Variants in PLEKHG1 observed in about 807,000 individuals in gnomAD.
PLEKHG1 encodes the protein pleckstrin homology and RhoGEF domain containing G1.
In PLEKHG1, 44 loss-of-function variants were observed where a neutral mutation model predicts 100.8. The observed-to-expected ratio is 0.44, with a 90% confidence interval of 0.34 to 0.56. PLEKHG1 has a LOEUF of 0.56. PLEKHG1 is among the 20% of genes least tolerant of loss of function. The pLI is 0.01. For missense variants in PLEKHG1, 1,545 were observed against 1,720.9 expected (o/e 0.90, Z 1.81); for synonymous variants, 640 against 662.5 (o/e 0.97, Z 0.52).
At chr6:150,780,941 TCA>T (rs1235501092) in intron 3 of PLEKHG1, among the ~76,000 whole-genome samples, 2 of 152,014 alleles carry the variant, frequency 1.3e-5, no homozygotes, top group East Asian at 3.9e-4. Context: ...TGGCACTATC[TCA>T]GCTCACTGCA....
At chr6:150,662,339 C>T (rs1201192355) in intron 3 of PLEKHG1, 1 of 152,146 alleles carries the variant, frequency 6.6e-6, no homozygotes, top group African/African-American at 2.4e-5. Flanking sequence ...CCATTGGAAC[C>T]CGGAACAGAT....
chr6:150,717,881 G>A (rs890774711), upstream of PLEKHG1, among the ~76,000 whole-genome samples: 7 of 152,094 alleles, frequency 4.6e-5, no homozygotes, highest in Non-Finnish European at 8.8e-5. Context: ...TTGGAGACCC[G>A]CCTCGACAAT....
At chr6:150,809,791 C>T in intron 10 of PLEKHG1, 57 bp downstream of exon 11, 1 of 1,331,898 alleles carries the variant, frequency 7.5e-7, no homozygotes. Flanking sequence ...ATCATTTGAA[C>T]CTGGGAGGTG....
chr6:150,721,580 G>C (rs1218933591), intron 1 of PLEKHG1, among the ~76,000 whole-genome samples: 1 of 152,152 alleles, frequency 6.6e-6, no homozygotes. Flanking sequence ...ATTTTCATAT[G>C]CTTTCTTTTT....
At chr6:150,687,760 C>A (rs1780190383) in intron 3 of PLEKHG1, among the ~76,000 whole-genome samples, 1 of 152,164 alleles carries the variant, frequency 6.6e-6, no homozygotes, top group African/African-American at 2.4e-5. Context: ...CATCTGACCC[C>A]ACGCCCTGAG....
chr6:150,831,830 G>T lies in PLEKHG1; in HGVS notation c.2719G>T (p.Ala907Ser). Residue 907 changes from alanine to serine, a missense_variant, in exon 15 of 16, where the codon GCT becomes TCT. Physicochemically the swap from Ala to Ser is moderately conservative, Grantham distance 99 (BLOSUM62 1). Transcript: ENST00000358517. The surrounding 1 kb of genome is among the most constrained non-coding windows in gnomAD (Gnocchi z 4.1). ...TCTCCTCACGCCCGTGAAGAGCAGG[G>T]CTGGCAGAGCCAGCCGCGCCAACTG... is the stretch of plus-strand genomic sequence containing the variant. 6.2e-7 allele frequency: 1 copy of T among 1,612,354 alleles called. No individual in the cohort carries two copies.
intron 6 of PLEKHG1, among the ~76,000 whole-genome samples, chr6:150,804,189 T>A (rs1157497745): frequency 2.7e-5 from 2 of 74,810 alleles, no homozygotes; most frequent in African/African-American, 6.6e-5. Flanking sequence ...TTTTTTTTTT[T>A]TTTTTTTTTT....
intron 3 of PLEKHG1, among the ~76,000 whole-genome samples, chr6:150,694,760 A>C (rs1780481830): frequency 6.6e-6 from 1 of 152,066 alleles, no homozygotes; most frequent in Admixed American, 6.6e-5. Context: ...GTACTCAAAA[A>C]ATGTTAGCTA....
rs2128548350 is a variant in PLEKHG1 at position 150,600,894 on chromosome 6, G to C, written c.-204+877G>C. On this transcript the variant is annotated intron_variant, in intron 1 of 3. Transcript: ENST00000367326. This position sits in a 1 kb window ranked among gnomAD's most constrained non-coding sequence, Gnocchi z 6.2. The stretch of plus-strand genomic sequence containing the variant: ...GGCGGAGCGGGGTTTGTAAGCCGGC[G>C]TTTCATCCAGCTCTGGTCCTCAAGG... 6.6e-6 allele frequency: 1 copy of C among 152,338 alleles called. No homozygotes were observed. The highest frequency in any genetic ancestry group is 2.4e-5 in the African/African-American group (1 of 41,572). The allele number at this position is 152,338 out of a possible 1,614,324, so 9.4% of individuals were successfully genotyped here.
chr6:150,652,669 G>A (rs1398032243), intron 3 of PLEKHG1, among the ~76,000 whole-genome samples: 5 of 150,030 alleles, frequency 3.3e-5, no homozygotes, highest in African/African-American at 4.9e-5. Context: ...GCAGTGAGCC[G>A]AGATCGCACC....
intron 7 of PLEKHG1, among the ~76,000 whole-genome samples, chr6:150,807,728 C>T (rs1488043733): frequency 2.6e-5 from 4 of 152,178 alleles, no homozygotes; most frequent in Non-Finnish European, 5.9e-5. Context: ...AATCCCAGCA[C>T]TTTGGGAGGC....
chr6:150,651,600 C>T (rs7771249), intron 3 of PLEKHG1, among the ~76,000 whole-genome samples: 97,355 of 151,942 alleles, frequency 0.64, 31,475 homozygotes, highest in East Asian at 0.85. Context: ...GGCTCACGCC[C>T]CTAATCCCAG....
rs1284856084 is a variant in PLEKHG1 at position 150,683,877 on chromosome 6, A to T, written c.-99+33091A>T. ...TATGGGAATATTGAAGGGGCCTGGG[A>T]TGGAGGTAAGATGGAGCGATCCTAT... On this transcript the variant is annotated intron_variant, in intron 3 of 3. Coordinates refer to the PLEKHG1 transcript ENST00000367326. The surrounding 1 kb of genome is among the most constrained non-coding windows in gnomAD (Gnocchi z 4.0). 1 of 1,223,992 alleles carries T rather than the reference A, an allele frequency of 8.2e-7. No individual in the cohort carries two copies. The highest frequency in any genetic ancestry group is 5.7e-5 in the East Asian group (1 of 17,610). 75.8% of individuals were successfully genotyped at this position (1,223,992 alleles called of 1,614,324 possible). A position where few individuals can be genotyped will look rare whatever the true frequency, so the allele number is the denominator to read the frequency against.
chr6:150,773,517 A>G (rs926537548), intron 3 of PLEKHG1, among the ~76,000 whole-genome samples: 1 of 152,214 alleles, frequency 6.6e-6, no homozygotes, highest in African/African-American at 2.4e-5. Flanking sequence ...CTCGGCGACA[A>G]AGCGAGACTC....
At chr6:150,641,886 A>AG (rs1778279536) in intron 2 of PLEKHG1, among the ~76,000 whole-genome samples, 1 of 150,740 alleles carries the variant, frequency 6.6e-6, no homozygotes, top group Non-Finnish European at 1.5e-5. Flanking sequence ...CAAAAAAAAA[A>AG]AAAAAAAAAA....
chr6:150,678,721 T>C (rs532224557), intron 3 of PLEKHG1, among the ~76,000 whole-genome samples: 123 of 152,326 alleles, frequency 8.1e-4, no homozygotes, highest in South Asian at 5.0e-3. Flanking sequence ...CATTTCAGGG[T>C]TGAATTACAA....
At chr6:150,822,301 G>A (rs754550567) in intron 13 of PLEKHG1, among the ~76,000 whole-genome samples, 3 of 151,948 alleles carry the variant, frequency 2.0e-5, no homozygotes, top group Middle Eastern at 3.4e-3. Context: ...AACTATGAAC[G>A]TGGCCAAAAC....
intron 7 of PLEKHG1, among the ~76,000 whole-genome samples, chr6:150,806,809 G>A (rs1787136329): frequency 8.1e-6 from 1 of 122,998 alleles, no homozygotes; most frequent in Non-Finnish European, 1.6e-5. Context: ...TAGCCTGGGA[G>A]ACAGAGCAAG....
intron 15 of PLEKHG1, among the ~76,000 whole-genome samples, chr6:150,837,338 G>A (rs1403341323): frequency 6.6e-6 from 1 of 152,138 alleles, no homozygotes; most frequent in Non-Finnish European, 1.5e-5. Context: ...GAGAAGATAG[G>A]GCTTATGGAG....
Sources: gnomAD v4.1 joint callset for allele counts (sites outside exome capture counted in the v4.1 genomes callset) on GRCh38, gnomAD v4.1.1 for gene constraint, Gnocchi (gnomAD v3.1) non-coding constraint, MANE v1.5 for transcripts, NCBI Gene and HGNC (gene_info 2026-07-23, HGNC 2026-07-21) for gene names.